Variants in GPC6 observed in about 807,000 individuals in gnomAD.
GPC6 encodes the protein glypican-6.
A neutral mutation model predicts 55.2 loss-of-function variants in GPC6; 14 were observed. That is an observed-to-expected ratio of 0.25 (90% CI 0.17 to 0.40). The LOEUF (loss-of-function observed/expected upper bound fraction) is 0.40. Among genes scored for constraint, GPC6 ranks in the 10% least tolerant of loss-of-function variants. GPC6 has a pLI of 1.00. For synonymous variants in GPC6, 278 were observed against 259.6 expected, an observed-to-expected ratio of 1.07 and a Z score of -0.68; for missense variants, 641 against 708.5, an observed-to-expected ratio of 0.90 and a Z score of 1.08.
At chr13:94,006,929 A>G (rs992590812) in intron 3 of GPC6, among the ~76,000 whole-genome samples, 3 of 152,126 alleles carry the variant, frequency 2.0e-5, no homozygotes, top group African/African-American at 4.8e-5. Context: ...GGCATGAGAA[A>G]TTTTCCTTCT....
At chr13:94,122,175 A>G (rs1886652239) in intron 4 of GPC6, among the ~76,000 whole-genome samples, 1 of 152,130 alleles carries the variant, frequency 6.6e-6, no homozygotes, top group Non-Finnish European at 1.5e-5. Context: ...TATAAAAATG[A>G]AAGCCACAAT....
intron 2 of GPC6, among the ~76,000 whole-genome samples, chr13:93,644,161 A>G (rs929864125): frequency 1.3e-5 from 2 of 152,080 alleles, no homozygotes; most frequent in Admixed American, 1.3e-4. Context: ...ATTGGTATGT[A>G]CTTTATTTCC....
rs67379652 is a variant in GPC6, at chr13:93,295,290, C to CAAAAAAAAAAAAAAAA, written c.160+67682_160+67697dup. Among the ~76,000 whole-genome samples, 3 of 66,684 alleles carry CAAAAAAAAAAAAAAAA rather than the reference C, an allele frequency of 4.5e-5. 1 individual carries two copies. The highest frequency in any genetic ancestry group is 2.3e-4 in the African/African-American group (3 of 13,112). The allele number at this position is 66,684 out of a possible 152,430, so 43.7% of individuals were successfully genotyped here. On this transcript the variant is annotated intron_variant, in intron 1 of 8. Transcript: ENST00000377047. ...GGGGTGGTACAGGGAGACCCTGTCTCAAAAAAAAAAAAAAAAAAAAAAAGA... is the reference window on the plus strand; with the variant it reads ...GGGGTGGTACAGGGAGACCCTGTCTCAAAAAAAAAAAAAAAAAAAAAAAAAAAAAAAAAAAAAAAGA...
At chr13:93,701,443 T>A (rs1882665877) in intron 2 of GPC6, among the ~76,000 whole-genome samples, 1 of 151,822 alleles carries the variant, frequency 6.6e-6, no homozygotes, top group Admixed American at 6.6e-5. Context: ...AGTTTTACTG[T>A]TTTTTTTCTG....
intron 1 of GPC6, among the ~76,000 whole-genome samples, chr13:93,322,597 C>G (rs927959096): frequency 5.9e-5 from 9 of 151,456 alleles, no homozygotes; most frequent in Admixed American, 1.3e-4. Context: ...CCACCATGCC[C>G]AGCTAATTTT....
rs555212445 is a variant in GPC6 at position 94,076,678 on chromosome 13, A to G, written c.877+48784A>G. On this transcript the variant is annotated intron_variant, in intron 4 of 8. Coordinates refer to ENST00000377047, the MANE Select transcript of GPC6 (RefSeq NM_005708.5). ...TATATATGGTATAAGATACAGTCCC[A>G]ATTTCATTCTTTTTAATGTGAATGT... Among the ~76,000 whole-genome samples the G allele has an allele frequency of 5.1e-4, 78 of 152,104 alleles. 2 individuals are homozygous for G. In the South Asian group the frequency reaches 0.016, roughly 31 times the overall value.
Position 93,301,566 on chromosome 13 carries a change from A to G in GPC6, c.160+73950A>G, listed in dbSNP as rs371921321. Among the ~76,000 whole-genome samples, 11 of 152,240 alleles carry G rather than the reference A, an allele frequency of 7.2e-5. No homozygotes were observed. The East Asian group carries it at 1.9e-3, about 27-fold the overall frequency. ...GTGAGCCATGAGGAAGGACAAGGAG[A>G]AGTACAGAAAGGAGACTGTTGCTCC... is the stretch of plus-strand genomic sequence containing the variant. On this transcript the variant is annotated intron_variant, in intron 1 of 8. Transcript: ENST00000377047.
chr13:93,529,394 G>C (rs560185179), intron 1 of GPC6, among the ~76,000 whole-genome samples: 3 of 151,928 alleles, frequency 2.0e-5, no homozygotes, highest in Non-Finnish European at 4.4e-5. Flanking sequence ...CTTATAAAAG[G>C]CATCAAAGAA....
intron 3 of GPC6, among the ~76,000 whole-genome samples, chr13:93,877,589 A>G (rs1287120263): frequency 6.6e-6 from 1 of 152,092 alleles, no homozygotes; most frequent in African/African-American, 2.4e-5. Flanking sequence ...TGTATGATAG[A>G]CTTGTCAATC....
chr13:93,436,429 A>G (rs150532630), intron 1 of GPC6, among the ~76,000 whole-genome samples: 2 of 152,184 alleles, frequency 1.3e-5, no homozygotes, highest in Non-Finnish European at 2.9e-5. Context: ...ATAGAATTCC[A>G]AACTGATATG....
chr13:94,376,697 T>G (rs1326016874), intron 6 of GPC6, among the ~76,000 whole-genome samples: 2 of 152,108 alleles, frequency 1.3e-5, no homozygotes, highest in Admixed American at 6.6e-5. Context: ...TGGAAAAAAC[T>G]ACTTTAAAGT....
At chr13:93,943,800 T>G (rs1878854036) in intron 3 of GPC6, among the ~76,000 whole-genome samples, 1 of 152,156 alleles carries the variant, frequency 6.6e-6, no homozygotes, top group African/African-American at 2.4e-5. Context: ...CTCACTCTTT[T>G]TAAGGGTGAT....
At chr13:93,322,586 G>A (rs1365374865) in intron 1 of GPC6, among the ~76,000 whole-genome samples, 5 of 151,302 alleles carry the variant, frequency 3.3e-5, no homozygotes, top group South Asian at 2.1e-4. Flanking sequence ...ACAGGTGCCC[G>A]CCACCATGCC....
chr13:93,580,237 T>C (rs1876871032), intron 2 of GPC6, among the ~76,000 whole-genome samples: 1 of 152,182 alleles, frequency 6.6e-6, no homozygotes, highest in Admixed American at 6.5e-5. Context: ...TTGGGGTCTC[T>C]TTTATGAGGG....
At chr13:94,382,377 C>G (rs939426273) in intron 6 of GPC6, 37 bp from the exon 7 acceptor site, 14 of 1,611,742 alleles carry the variant, frequency 8.7e-6, no homozygotes, top group African/African-American at 2.7e-5. Context: ...AAAGCCTGAG[C>G]AGAATACTCA....
intron 4 of GPC6, among the ~76,000 whole-genome samples, chr13:94,150,752 T>C (rs1453656044): frequency 1.0e-4 from 15 of 146,312 alleles, no homozygotes; most frequent in Admixed American, 9.8e-4. Flanking sequence ...GAAGAAGAGA[T>C]ATCTAAGTTG....
chr13:93,805,329 C>T (rs1004190059), intron 2 of GPC6, among the ~76,000 whole-genome samples: 2 of 152,128 alleles, frequency 1.3e-5, no homozygotes, highest in Non-Finnish European at 2.9e-5. Flanking sequence ...AAGTGCTTTG[C>T]ATACATTACA....
intron 1 of GPC6, among the ~76,000 whole-genome samples, chr13:93,316,139 A>C (rs1879240610): frequency 6.6e-6 from 1 of 152,030 alleles, no homozygotes; most frequent in African/African-American, 2.4e-5. Flanking sequence ...AACTGTACCC[A>C]AATTCTTTAT....
At chr13:93,522,926 G>T (rs1881475492) in intron 1 of GPC6, among the ~76,000 whole-genome samples, 2 of 151,694 alleles carry the variant, frequency 1.3e-5, no homozygotes, top group African/African-American at 4.8e-5. Context: ...AAGGTGGAGG[G>T]AAGAGGAAGG....
Sources: gnomAD v4.1 joint callset for allele counts (sites outside exome capture counted in the v4.1 genomes callset) on GRCh38, gnomAD v4.1.1 for gene constraint, MANE v1.5 for transcripts, NCBI Gene and HGNC (gene_info 2026-07-23, HGNC 2026-07-21) for gene names.